GMEB1: variants seen among roughly 807,000 people sequenced by gnomAD.
The protein encoded by GMEB1 is glucocorticoid modulatory element-binding protein 1.
Under a neutral mutation model 52.4 loss-of-function variants are expected in GMEB1, and 6 were observed. That is an observed-to-expected ratio of 0.11 (90% CI 0.06 to 0.23). The LOEUF is 0.23. Among genes scored for constraint, GMEB1 ranks in the 10% least tolerant of loss-of-function variants. The pLI is 1.00. For synonymous variants in GMEB1, 255 were observed against 244.9 expected (o/e 1.04, Z -0.38); for missense variants, 486 against 685.6 (o/e 0.71, Z 3.25).
intron 7 of GMEB1, 25 bp from the exon 8 acceptor site, chr1:28,704,163 TACCC>T (rs1264708562): frequency 6.3e-7 from 1 of 1,581,028 alleles, no homozygotes; most frequent in Admixed American, 1.8e-5. Context: ...GTCTCTTTTT[TACCC>T]TCTGTCTTAT....
At chr1:28,700,006 T>G (rs1670416740) in intron 6 of GMEB1, among the ~76,000 whole-genome samples, 1 of 143,018 alleles carries the variant, frequency 7.0e-6, no homozygotes. Flanking sequence ...CAGTGAGCTG[T>G]GATTGTGCCT....
Position 28,717,028 on chromosome 1 carries a change from T to G in GMEB1, c.*2255T>G, listed in dbSNP as rs1348076836. 1.3e-5 allele frequency: 2 copies of G among 150,082 alleles called. No individual in the cohort carries two copies. The highest frequency in any genetic ancestry group is 3.0e-5 in the Non-Finnish European group (2 of 67,638). 9.3% of individuals were successfully genotyped at this position (150,082 alleles called of 1,614,324 possible). A position where few individuals can be genotyped will look rare whatever the true frequency, so the allele number is the denominator to read the frequency against. On this transcript the variant is annotated 3_prime_UTR_variant, in exon 10 of 10. Transcript: ENST00000373816. ...TAAAAACAAAACTTGGACCTGTAGT[T>G]TTTTTTTTTCTTTTTTATTTTTAAG... is the stretch of plus-strand genomic sequence containing the variant.
chr1:28,694,850 G>A (rs1253596723), intron 5 of GMEB1, among the ~76,000 whole-genome samples: 1 of 151,328 alleles, frequency 6.6e-6, no homozygotes, highest in African/African-American at 2.4e-5. Context: ...TTTTAGTAGA[G>A]ACAGGGTTTC....
At chr1:28,701,515 A>G (rs1441591394) in intron 6 of GMEB1, among the ~76,000 whole-genome samples, 4 of 151,682 alleles carry the variant, frequency 2.6e-5, no homozygotes, top group African/African-American at 9.7e-5. Flanking sequence ...TGATCCGCCC[A>G]CCTCGGCCTC....
intron 6 of GMEB1, among the ~76,000 whole-genome samples, chr1:28,700,465 G>C (rs1670447940): frequency 2.1e-5 from 3 of 143,436 alleles, no homozygotes; most frequent in Admixed American, 1.5e-4. Flanking sequence ...AGTTAGCCGA[G>C]ATCGCGCCAC....
chr1:28,681,542 T>C (rs1411043953), intron 1 of GMEB1, among the ~76,000 whole-genome samples: 1 of 152,092 alleles, frequency 6.6e-6, no homozygotes, highest in Admixed American at 6.6e-5. Context: ...GTGGCTGGTA[T>C]GGTATTAGGA....
intron 1 of GMEB1, among the ~76,000 whole-genome samples, chr1:28,678,252 G>A (rs896597391): frequency 1.6e-4 from 24 of 152,120 alleles, no homozygotes; most frequent in African/African-American, 4.8e-4. Context: ...AGAGGGAAGG[G>A]GGCTCCAAAG....
At chr1:28,675,404 C>T in intron 1 of GMEB1, among the ~76,000 whole-genome samples, 1 of 150,070 alleles carries the variant, frequency 6.7e-6, no homozygotes, top group Admixed American at 6.7e-5. Flanking sequence ...AGAGATCGGC[C>T]GGGGTGGCTC....
intron 7 of GMEB1, among the ~76,000 whole-genome samples, 164 bp downstream of exon 7, chr1:28,702,733 T>C (rs987308542): frequency 1.3e-5 from 2 of 152,140 alleles, no homozygotes; most frequent in African/African-American, 4.8e-5. Flanking sequence ...GCAATAGCCC[T>C]GCATAGTCAC....
intron 1 of GMEB1, among the ~76,000 whole-genome samples, chr1:28,676,330 C>G (rs1669149033): frequency 6.6e-6 from 1 of 152,084 alleles, no homozygotes; most frequent in South Asian, 2.1e-4. Flanking sequence ...CCCAAATCTC[C>G]AAAATCTGAA....
chr1:28,706,727 TG>T (rs1670788729), intron 8 of GMEB1, among the ~76,000 whole-genome samples: 1 of 150,302 alleles, frequency 6.7e-6, no homozygotes, highest in Non-Finnish European at 1.5e-5. Context: ...TGCAGTGGCG[TG>T]ATCTTGGCTC....
At chr1:28,695,891 A>G (rs1670178386) in intron 5 of GMEB1, among the ~76,000 whole-genome samples, 2 of 117,724 alleles carry the variant, frequency 1.7e-5, no homozygotes, top group African/African-American at 6.6e-5. Flanking sequence ...GTGAGCCGAG[A>G]TCCCGCCACT....
chr1:28,710,868 G>T (rs1338146167), intron 9 of GMEB1, among the ~76,000 whole-genome samples: 1 of 151,920 alleles, frequency 6.6e-6, no homozygotes, highest in Non-Finnish European at 1.5e-5. Flanking sequence ...TCTGTGTCTT[G>T]TGGAGGATTA....
chr1:28,705,848 T>C (rs1670733819), intron 8 of GMEB1, among the ~76,000 whole-genome samples: 1 of 151,982 alleles, frequency 6.6e-6, no homozygotes, highest in Admixed American at 6.6e-5. Flanking sequence ...AGAAATCCAC[T>C]TGTTTTTAGA....
intron 9 of GMEB1, 77 bp from the exon 10 acceptor site, chr1:28,713,996 C>G (rs1187540360): frequency 9.7e-6 from 10 of 1,031,332 alleles, no homozygotes; most frequent in Non-Finnish European, 1.3e-5. Flanking sequence ...ACAGAGACAC[C>G]AGGTCTCCTG....
intron 4 of GMEB1, among the ~76,000 whole-genome samples, chr1:28,692,576 A>G (rs1326907561): frequency 6.6e-6 from 1 of 152,012 alleles, no homozygotes; most frequent in Non-Finnish European, 1.5e-5. Context: ...AAAATACATG[A>G]TTGATAAAAA....
chr1:28,669,763 T>C (rs1290933085), intron 1 of GMEB1, among the ~76,000 whole-genome samples: 1 of 152,060 alleles, frequency 6.6e-6, no homozygotes, highest in Non-Finnish European at 1.5e-5. Flanking sequence ...AACCTATCTT[T>C]TTGAGAGAAG....
At chr1:28,710,120 C>T (rs1246926899) in intron 8 of GMEB1, among the ~76,000 whole-genome samples, 8 of 151,936 alleles carry the variant, frequency 5.3e-5, no homozygotes, top group African/African-American at 1.9e-4. Flanking sequence ...GCACTCCAGC[C>T]TGGGGGACAG....
chr1:28,701,333 G>C (rs184405583), intron 6 of GMEB1, among the ~76,000 whole-genome samples: 1 of 137,122 alleles, frequency 7.3e-6, no homozygotes, highest in African/African-American at 2.6e-5. Flanking sequence ...CCAGTGGCGC[G>C]ATCTCGGCTC....
Sources: gnomAD v4.1 joint callset for allele counts (sites outside exome capture counted in the v4.1 genomes callset) on GRCh38, gnomAD v4.1.1 for gene constraint, MANE v1.5 for transcripts, NCBI Gene and HGNC (gene_info 2026-07-23, HGNC 2026-07-21) for gene names.